Variants in PTPRF observed in about 807,000 individuals in gnomAD.
PTPRF encodes the protein receptor-type tyrosine-protein phosphatase F.
PTPRF carries 59 observed loss-of-function variants against 201.8 expected under a neutral mutation model. The ratio of observed to expected loss-of-function variants is 0.29; its 90% CI spans 0.24 to 0.36. PTPRF has a LOEUF of 0.36. Among genes scored for constraint, PTPRF ranks in the 10% least tolerant of loss-of-function variants. The pLI is 1.00. For missense variants in PTPRF, 2,132 were observed against 2,690.5 expected, an observed-to-expected ratio of 0.79 and a Z score of 4.59; for synonymous variants, 1,088 against 1,089.7, an observed-to-expected ratio of 1.00 and a Z score of 0.03.
chr1:43,544,740 C>T (rs1368058721), intron 2 of PTPRF, among the ~76,000 whole-genome samples: 1 of 152,192 alleles, frequency 6.6e-6, no homozygotes, highest in Non-Finnish European at 1.5e-5. Context: ...CACTCACTCC[C>T]TGTACCTCCT....
intron 14 of PTPRF, among the ~76,000 whole-genome samples, chr1:43,602,745 C>A (rs1252130683): frequency 6.6e-6 from 1 of 152,192 alleles, no homozygotes; most frequent in African/African-American, 2.4e-5. Context: ...CAGGGTCTGC[C>A]AAGCGGGGAG....
upstream of PTPRF, among the ~76,000 whole-genome samples, chr1:43,529,333 T>C (rs1392424690): frequency 1.3e-5 from 2 of 152,150 alleles, no homozygotes; most frequent in Non-Finnish European, 2.9e-5. Flanking sequence ...TGAATTCAAG[T>C]TCAGGACAAA....
intron 6 of PTPRF, chr1:43,576,014 C>T (rs1160153143): frequency 8.1e-7 from 1 of 1,241,228 alleles, no homozygotes; most frequent in Non-Finnish European, 1.1e-6. Context: ...GTCACCTCCC[C>T]ATCCCCATCC....
intron 16 of PTPRF, among the ~76,000 whole-genome samples, chr1:43,604,424 A>G (rs1040724047): frequency 2.6e-5 from 4 of 151,882 alleles, no homozygotes; most frequent in African/African-American, 7.3e-5. Context: ...ATCTCTTGTG[A>G]CCTTGACCCA....
At chr1:43,592,423 A>G (rs761285133) in intron 10 of PTPRF, 34 bp from the exon 11 acceptor site, 2 of 1,579,370 alleles carry the variant, frequency 1.3e-6, no homozygotes, top group South Asian at 2.3e-5. Flanking sequence ...CTTTGAGCTC[A>G]GAGCTGTCAG....
At chr1:43,564,801 G>A (rs1646048669) in intron 5 of PTPRF, among the ~76,000 whole-genome samples, 1 of 152,134 alleles carries the variant, frequency 6.6e-6, no homozygotes, top group Non-Finnish European at 1.5e-5. Flanking sequence ...GGGTGAAAAG[G>A]TCATACTGAC....
chr1:43,608,642 A>G (rs565833554), intron 21 of PTPRF, among the ~76,000 whole-genome samples: 6 of 152,356 alleles, frequency 3.9e-5, no homozygotes, highest in Non-Finnish European at 8.8e-5. Context: ...CCCGGCTCCC[A>G]GTTCTCTGAG....
chr1:43,581,679 C>G (rs1024490606), intron 7 of PTPRF, among the ~76,000 whole-genome samples: 3 of 152,262 alleles, frequency 2.0e-5, no homozygotes, highest in Non-Finnish European at 4.4e-5. Context: ...ACCACCAGCT[C>G]TGCATCCTGA....
chr1:43,603,679 C>T lies in PTPRF; in HGVS notation c.2527C>T (p.Pro843Ser), dbSNP rs1654344147. The T allele has an allele frequency of 2.5e-6, 4 of 1,613,702 alleles. No individual in the cohort carries two copies. The highest frequency in any genetic ancestry group is 3.4e-6 in the Non-Finnish European group (4 of 1,180,012). The change falls in exon 16 of 34, where the codon CCC becomes TCC. Residue 843 changes from proline (P) to serine (S), a missense_variant. Physicochemically the swap from Pro to Ser is moderately conservative, Grantham distance 74 (BLOSUM62 -1). Coordinates refer to ENST00000359947, the MANE Select transcript of PTPRF (RefSeq NM_002840.5). The surrounding 1 kb of genome is among the most constrained non-coding windows in gnomAD (Gnocchi z 5.8). Reference protein sequence around the residue: ...MNTALLQWHPPKELPGELLGY... With the variant: ...MNTALLQWHPSKELPGELLGY... The stretch of plus-strand genomic sequence containing the variant: ...CACTGCGCTGCTCCAGTGGCACCCA[C>T]CCAAGGAACTGCCTGGCGAGCTGCT...
In PTPRF at chr1:43,620,136, A is replaced by G; in HGVS notation, c.5153A>G (p.Glu1718Gly). The stretch of plus-strand genomic sequence containing the variant: ...ATAGCTACACAGGGGCCTCTGGCAG[A>G]GAGCACCGAGGACTTCTGGCGCATG... Reference protein sequence around the residue: ...AYIATQGPLAESTEDFWRMLW... With the variant: ...AYIATQGPLAGSTEDFWRMLW... The change falls in exon 30 of 34, where the codon GAG (glutamate) becomes GGG (glycine). Residue 1718 changes from glutamate to glycine, a missense_variant. By Grantham distance (98) the Glu-to-Gly change is moderately conservative (BLOSUM62 -2). Coordinates refer to ENST00000359947, the MANE Select transcript of PTPRF (RefSeq NM_002840.5). The G allele has an allele frequency of 6.2e-7, 1 of 1,614,098 alleles. No homozygotes were observed. The highest frequency in any genetic ancestry group is 1.7e-5 in the Admixed American group (1 of 60,016).
Position 43,588,670 on chromosome 1 carries a change from C to A in PTPRF, c.680-61C>A. ...GGGCTTCCTGAATGAGGGGCCCCTG[C>A]CCTTCCATGCAGTCGTGTGTCCTGC... On this transcript the variant is annotated intron_variant, in intron 7 of 33. Coordinates refer to ENST00000359947, the MANE Select transcript of PTPRF (RefSeq NM_002840.5). This position sits in a 1 kb window ranked among gnomAD's most constrained non-coding sequence, Gnocchi z 5.3. The A allele has an allele frequency of 1.3e-5, 20 of 1,584,356 alleles. No individual in the cohort carries two copies. Among genetic ancestry groups the A allele is most frequent in the Non-Finnish European group, 1.6e-5 (19 of 1,165,902 alleles).
At position 43,545,168 on chromosome 1, in the gene PTPRF, T is replaced by G; in HGVS notation, c.91+2T>G. The G allele has an allele frequency of 6.4e-7, 1 of 1,572,256 alleles. No homozygotes were observed. ...TGGTGGCAGGCGCCCATGGTGACAG[T>G]AAGTCTGACCCCTCAAGGTACAGAT... On this transcript the variant is annotated splice_donor_variant, in intron 3 of 33. Transcript: ENST00000359947. LOFTEE classifies it high-confidence loss of function.
chr1:43,619,634 C>T lies in PTPRF; in HGVS notation c.4933-46C>T, dbSNP rs563945284. On this transcript the variant is annotated intron_variant, in intron 28 of 33. Coordinates refer to ENST00000359947, the MANE Select transcript of PTPRF (RefSeq NM_002840.5). ...TAGACTGGGTCATGCAGATGACCCCCACCCCCACAGGAAGCCTGGCCTGAC... is the reference window on the plus strand; with the variant it reads ...TAGACTGGGTCATGCAGATGACCCCTACCCCCACAGGAAGCCTGGCCTGAC... The T allele has an allele frequency of 2.5e-6, 4 of 1,610,668 alleles. No individual in the cohort carries two copies. In the African/African-American group the frequency reaches 4.0e-5, roughly 16 times the overall value.
chr1:43,615,559 TTTTTTTTTTTTTTTTTTTTTTTC>T (rs966934685), intron 23 of PTPRF, among the ~76,000 whole-genome samples: 4 of 60,838 alleles, frequency 6.6e-5, no homozygotes, highest in Non-Finnish European at 1.2e-4. Flanking sequence ...GTCTTTTTTT[TTTTTTTTTTTTTTTTTTTTTTTC>T]TTTTTTGGAA....
At position 43,619,108 on chromosome 1, in the gene PTPRF, G is replaced by A. The variant is rs1658562392; in HGVS notation, c.4552G>A (p.Gly1518Arg). ...QFQFMAWPDH[G>R]VPEYPTPILA... is the part of the protein sequence containing the mutation. ...TCAGTTCATGGCCTGGCCAGACCATGGAGTTCCTGAGTACCCAACTCCCAT... is the reference window on the plus strand; with the variant it reads ...TCAGTTCATGGCCTGGCCAGACCATAGAGTTCCTGAGTACCCAACTCCCAT... Residue 1518 changes from glycine (G) to arginine (R), a missense_variant, in exon 27 of 34, where the codon GGA becomes AGA. By Grantham distance (125) the Gly-to-Arg change is moderately radical. Transcript: ENST00000359947. The A allele has an allele frequency of 6.2e-7, 1 of 1,614,004 alleles. No homozygotes were observed. The highest frequency in any genetic ancestry group is 8.5e-7 in the Non-Finnish European group (1 of 1,179,970).
At chr1:43,549,378 A>T (rs1209877054) in intron 3 of PTPRF, among the ~76,000 whole-genome samples, 2 of 152,112 alleles carry the variant, frequency 1.3e-5, no homozygotes, top group Non-Finnish European at 2.9e-5. Context: ...TGGGACACAG[A>T]GCAGGCTCCT....
At chr1:43,570,157 T>C (rs761507899) in intron 6 of PTPRF, among the ~76,000 whole-genome samples, 1 of 152,150 alleles carries the variant, frequency 6.6e-6, no homozygotes, top group Non-Finnish European at 1.5e-5. Context: ...AGGGCTTAGC[T>C]GGGAAAAGAG....
chr1:43,610,009 C>T (rs896249657), intron 22 of PTPRF, among the ~76,000 whole-genome samples: 1 of 152,200 alleles, frequency 6.6e-6, no homozygotes, highest in Non-Finnish European at 1.5e-5. Flanking sequence ...CTGTCCACCT[C>T]TTCCTTCTAC....
intron 5 of PTPRF, among the ~76,000 whole-genome samples, chr1:43,565,155 C>A (rs1349039927): frequency 6.6e-6 from 1 of 152,186 alleles, no homozygotes; most frequent in Non-Finnish European, 1.5e-5. Flanking sequence ...AATCTCCCTC[C>A]TCCAGGAAGC....
Sources: gnomAD v4.1 joint callset for allele counts (sites outside exome capture counted in the v4.1 genomes callset) on GRCh38, gnomAD v4.1.1 for gene constraint, Gnocchi (gnomAD v3.1) non-coding constraint, MANE v1.5 for transcripts, NCBI Gene and HGNC (gene_info 2026-07-23, HGNC 2026-07-21) for gene names.